Variants in SCHIP1 observed in about 807,000 individuals in gnomAD.
SCHIP1 encodes schwannomin interacting protein 1.
SCHIP1 carries 8 observed loss-of-function variants against 29.7 expected under a neutral mutation model. The ratio of observed to expected loss-of-function variants is 0.27; its 90% confidence interval spans 0.16 to 0.49. The LOEUF (loss-of-function observed/expected upper bound fraction) is 0.49, where lower values mean the gene tolerates loss of function less well. SCHIP1 is among the 20% of genes least tolerant of loss of function. The pLI is 0.99. For missense variants in SCHIP1, 193 were observed against 294.6 expected, an observed-to-expected ratio of 0.66 and a Z score of 2.52; for synonymous variants, 76 against 94.9, an observed-to-expected ratio of 0.80 and a Z score of 1.16.
At chr3:159,569,751 T>G in the SCHIP1 span, among the ~76,000 whole-genome samples, 6 of 152,212 alleles carry the variant, frequency 3.9e-5, no homozygotes, top group African/African-American at 1.4e-4. Flanking sequence ...CACATTGTCT[T>G]CCACAATGGT....
intron 1 of SCHIP1, among the ~76,000 whole-genome samples, chr3:159,846,916 A>T (rs749141087): frequency 6.6e-6 from 1 of 152,030 alleles, no homozygotes; most frequent in Non-Finnish European, 1.5e-5. Flanking sequence ...TCTAATTTAT[A>T]TGCTTTACCA....
the SCHIP1 span, among the ~76,000 whole-genome samples, chr3:159,534,525 C>T: frequency 6.6e-6 from 1 of 152,124 alleles, no homozygotes; most frequent in African/African-American, 2.4e-5. Context: ...CCTCTGCCAT[C>T]TTCAGTATGT....
the SCHIP1 span, among the ~76,000 whole-genome samples, chr3:159,437,618 A>C: frequency 6.6e-6 from 1 of 151,808 alleles, no homozygotes; most frequent in South Asian, 2.1e-4. Flanking sequence ...GGGGAAATTC[A>C]TCTCCATTCG....
chr3:159,804,561 G>A, the SCHIP1 span, among the ~76,000 whole-genome samples: 1 of 152,204 alleles, frequency 6.6e-6, no homozygotes. Context: ...CTGCTGTGAT[G>A]TCTGCAGGGT....
the SCHIP1 span, among the ~76,000 whole-genome samples, chr3:159,352,510 A>G: frequency 6.6e-6 from 1 of 152,250 alleles, no homozygotes; most frequent in African/African-American, 2.4e-5. Context: ...CAGGAAACTG[A>G]CAGCAGTATA....
the SCHIP1 span, among the ~76,000 whole-genome samples, chr3:159,725,969 A>T: frequency 1.3e-5 from 2 of 152,318 alleles, no homozygotes; most frequent in South Asian, 4.1e-4. Flanking sequence ...CAAGTGGATG[A>T]TGGTGCTATA....
chr3:159,686,694 T>C, the SCHIP1 span, among the ~76,000 whole-genome samples: 1 of 152,198 alleles, frequency 6.6e-6, no homozygotes, highest in African/African-American at 2.4e-5. Context: ...TAATAATCCA[T>C]ATGAGAAATT....
At chr3:159,673,682 C>G in the SCHIP1 span, among the ~76,000 whole-genome samples, 1 of 152,180 alleles carries the variant, frequency 6.6e-6, no homozygotes, top group Non-Finnish European at 1.5e-5. Flanking sequence ...TCTAGAAATG[C>G]GTAAGCCAGC....
the SCHIP1 span, among the ~76,000 whole-genome samples, chr3:159,672,924 G>A: frequency 7.2e-5 from 11 of 152,264 alleles, no homozygotes; most frequent in East Asian, 9.6e-4. Context: ...TGGTGGTGGC[G>A]AGTACTGCAG....
chr3:159,503,441 A>G, the SCHIP1 span, among the ~76,000 whole-genome samples: 3 of 152,204 alleles, frequency 2.0e-5, no homozygotes, highest in Non-Finnish European at 4.4e-5. Context: ...TCATATTTAT[A>G]CATACTATTT....
chr3:159,676,702 C>A, the SCHIP1 span, among the ~76,000 whole-genome samples: 1 of 152,104 alleles, frequency 6.6e-6, no homozygotes, highest in Non-Finnish European at 1.5e-5. Context: ...GCTGCCCCTG[C>A]CAGCTGGAGT....
the SCHIP1 span, among the ~76,000 whole-genome samples, chr3:159,693,095 A>G: frequency 1.3e-5 from 2 of 152,166 alleles, no homozygotes; most frequent in African/African-American, 2.4e-5. Context: ...TTAAATCTCA[A>G]AATTAAGAGT....
the SCHIP1 span, among the ~76,000 whole-genome samples, chr3:159,305,664 A>G: frequency 1.3e-5 from 2 of 152,200 alleles, no homozygotes; most frequent in Non-Finnish European, 2.9e-5. Context: ...CAGAGTTATA[A>G]TAAGTGCCTA....
At chr3:159,722,891 A>G in the SCHIP1 span, among the ~76,000 whole-genome samples, 1 of 152,132 alleles carries the variant, frequency 6.6e-6, no homozygotes, top group Admixed American at 6.5e-5. Flanking sequence ...GAAATCATAA[A>G]ATATAGCTGA....
At chr3:159,324,360 C>T in the SCHIP1 span, among the ~76,000 whole-genome samples, 1 of 152,022 alleles carries the variant, frequency 6.6e-6, no homozygotes, top group East Asian at 1.9e-4. Flanking sequence ...TTATAATTCC[C>T]ATACTCTTCT....
Position 159,886,412 on chromosome 3 carries a change from A to G in SCHIP1, c.267+88A>G, listed in dbSNP as rs894352997. The G allele has an allele frequency of 1.5e-5, 18 of 1,221,356 alleles. No homozygotes were observed. The African/African-American group carries it at 2.3e-4, about 15-fold the overall frequency. 75.7% of individuals were successfully genotyped at this position (1,221,356 alleles called of 1,614,324 possible). On this transcript the variant is annotated intron_variant, in intron 3 of 6. Transcript: ENST00000445224. ...TCTGTTGTAAGGTGAATCAGGAACA[A>G]ACATTTCAGAGATTAAAGAAGAAAA...
At chr3:159,828,431 GTATATATACGTATATATATACGTA>G in the SCHIP1 span, among the ~76,000 whole-genome samples, 1 of 53,322 alleles carries the variant, frequency 1.9e-5, no homozygotes, top group Non-Finnish European at 3.8e-5. Flanking sequence ...ATATATATAC[GTATATATACGTATATATATACGTA>G]TATATATGTA....
the SCHIP1 span, among the ~76,000 whole-genome samples, chr3:159,286,971 C>T: frequency 6.6e-6 from 1 of 152,024 alleles, no homozygotes; most frequent in Non-Finnish European, 1.5e-5. Flanking sequence ...GATATTAGAC[C>T]TTTGTTGGAT....
the SCHIP1 span, among the ~76,000 whole-genome samples, chr3:159,643,039 G>C: frequency 1.3e-5 from 2 of 152,048 alleles, no homozygotes; most frequent in Non-Finnish European, 2.9e-5. Flanking sequence ...AGGGTGGTGA[G>C]GAAAGGGCTA....
Sources: allele counts gnomAD v4.1 joint callset (sites outside exome capture counted in the v4.1 genomes callset), GRCh38; gene constraint gnomAD v4.1.1; transcripts MANE v1.5; gene names NCBI Gene and HGNC (gene_info 2026-07-23, HGNC 2026-07-21).